RPS6KC1: variants seen among roughly 807,000 people sequenced by gnomAD.
RPS6KC1 encodes inactive ribosomal protein S6 kinase delta-1.
A neutral mutation model predicts 103.8 loss-of-function variants in RPS6KC1; 54 were observed. The observed-to-expected ratio is 0.52, with a 90% CI of 0.42 to 0.65. The LOEUF (loss-of-function observed/expected upper bound fraction) is 0.65. RPS6KC1 is among the 30% of genes least tolerant of loss of function. The pLI, the probability that RPS6KC1 is intolerant of heterozygous loss-of-function variation, is 0.00. For missense variants in RPS6KC1, 1,151 were observed against 1,253.8 expected (o/e 0.92, Z 1.24); for synonymous variants, 439 against 438.7 (o/e 1.00, Z -0.01).
At chr1:213,744,808 A>G in the RPS6KC1 span, among the ~76,000 whole-genome samples, 3 of 152,240 alleles carry the variant, frequency 2.0e-5, no homozygotes, top group African/African-American at 7.2e-5. Flanking sequence ...GCTGCTGGTC[A>G]GCGTGGAGGC....
the RPS6KC1 span, among the ~76,000 whole-genome samples, chr1:213,301,660 C>A: frequency 2.6e-5 from 4 of 152,062 alleles, no homozygotes; most frequent in Non-Finnish European, 5.9e-5. Context: ...GATTGCACCA[C>A]TGCACTCCAG....
intron 4 of RPS6KC1, among the ~76,000 whole-genome samples, chr1:213,113,094 G>C (rs1228230063): frequency 6.6e-6 from 1 of 152,058 alleles, no homozygotes; most frequent in Non-Finnish European, 1.5e-5. Flanking sequence ...GGGAAGGCTG[G>C]GTCAAATGGT....
At chr1:213,615,352 G>T in the RPS6KC1 span, among the ~76,000 whole-genome samples, 3 of 152,238 alleles carry the variant, frequency 2.0e-5, no homozygotes, top group Non-Finnish European at 4.4e-5. Flanking sequence ...TTTTGCATTG[G>T]CCAATGTCCT....
the RPS6KC1 span, among the ~76,000 whole-genome samples, chr1:213,563,222 C>T: frequency 1.3e-5 from 2 of 151,876 alleles, no homozygotes; most frequent in African/African-American, 4.8e-5. Context: ...GTAAAAAGCC[C>T]CTCTTTAATA....
At chr1:213,152,527 G>A (rs1332619186) in intron 6 of RPS6KC1, among the ~76,000 whole-genome samples, 1 of 151,116 alleles carries the variant, frequency 6.6e-6, no homozygotes, top group Non-Finnish European at 1.5e-5. Flanking sequence ...CTCAGACGGG[G>A]CGGCCGGGTA....
the RPS6KC1 span, among the ~76,000 whole-genome samples, chr1:213,772,184 C>T: frequency 6.6e-6 from 1 of 152,152 alleles, no homozygotes; most frequent in African/African-American, 2.4e-5. Flanking sequence ...GATAGTATCG[C>T]TTATCTTCTT....
the RPS6KC1 span, among the ~76,000 whole-genome samples, chr1:213,287,266 GTGTGTGTA>G: frequency 1.5e-5 from 1 of 67,682 alleles, no homozygotes; most frequent in East Asian, 4.8e-4. Context: ...GTGTGTGTGT[GTGTGTGTA>G]TTTTTTTAAG....
At chr1:213,221,144 A>G (rs1164292977) in intron 8 of RPS6KC1, among the ~76,000 whole-genome samples, 2 of 152,200 alleles carry the variant, frequency 1.3e-5, no homozygotes, top group African/African-American at 4.8e-5. Flanking sequence ...TTTATTCACC[A>G]TAATGCCTAT....
intron 12 of RPS6KC1, among the ~76,000 whole-genome samples, chr1:213,259,236 G>A (rs961180642): frequency 2.0e-5 from 3 of 152,164 alleles, no homozygotes; most frequent in African/African-American, 7.2e-5. Context: ...TTAAACATTT[G>A]TGTCAATTAC....
the RPS6KC1 span, among the ~76,000 whole-genome samples, chr1:213,405,567 A>G: frequency 6.6e-5 from 10 of 152,308 alleles, no homozygotes; most frequent in East Asian, 1.9e-3. Context: ...AACAGCAGCC[A>G]TTTTCAACAA....
chr1:213,561,588 C>T, the RPS6KC1 span, among the ~76,000 whole-genome samples: 1 of 152,200 alleles, frequency 6.6e-6, no homozygotes. Flanking sequence ...GGCTCCCTTA[C>T]CACTGTTGCC....
chr1:213,854,593 T>C, the RPS6KC1 span, among the ~76,000 whole-genome samples: 1 of 151,790 alleles, frequency 6.6e-6, no homozygotes, highest in Non-Finnish European at 1.5e-5. Context: ...TTTCTTTCTT[T>C]CTTTGAGTTC....
chr1:213,176,791 C>G, intron 8 of RPS6KC1: 1 of 186,920 alleles, frequency 5.3e-6, no homozygotes. Flanking sequence ...GTGTTAATAA[C>G]AATTGTGAGC....
At chr1:213,082,136 T>C (rs1260247049) in intron 3 of RPS6KC1, among the ~76,000 whole-genome samples, 1 of 151,840 alleles carries the variant, frequency 6.6e-6, no homozygotes, top group African/African-American at 2.4e-5. Context: ...AAGTGATTAA[T>C]TGGGCCCGGC....
intron 8 of RPS6KC1, among the ~76,000 whole-genome samples, chr1:213,177,129 A>G (rs537305980): frequency 6.6e-6 from 1 of 152,300 alleles, no homozygotes; most frequent in African/African-American, 2.4e-5. Flanking sequence ...AGGGGTAAAA[A>G]TACTGGCCTC....
At chr1:213,176,099 T>C (rs778409186) in intron 7 of RPS6KC1, among the ~76,000 whole-genome samples, 41 of 152,348 alleles carry the variant, frequency 2.7e-4, no homozygotes, top group Non-Finnish European at 2.4e-4. Context: ...ATGATAGCTG[T>C]ATGGTCTGAA....
chr1:213,845,318 A>T, the RPS6KC1 span, among the ~76,000 whole-genome samples: 8 of 152,224 alleles, frequency 5.3e-5, no homozygotes, highest in African/African-American at 1.7e-4. Context: ...GTGAGGGCAA[A>T]CCAAAGAACT....
the RPS6KC1 span, among the ~76,000 whole-genome samples, chr1:213,395,061 C>G: frequency 5.2e-4 from 79 of 152,322 alleles, no homozygotes; most frequent in Non-Finnish European, 1.8e-4. Flanking sequence ...CCGCAGCTTC[C>G]CACACCTGCT....
the RPS6KC1 span, among the ~76,000 whole-genome samples, chr1:213,566,087 GAGATGGAT>G: frequency 6.6e-6 from 1 of 152,160 alleles, no homozygotes; most frequent in Non-Finnish European, 1.5e-5. Context: ...GATGAATGCA[GAGATGGAT>G]AGATGGATAG....
Sources: gnomAD v4.1 joint callset for allele counts (sites outside exome capture counted in the v4.1 genomes callset) on GRCh38, gnomAD v4.1.1 for gene constraint, MANE v1.5 for transcripts, NCBI Gene and HGNC (gene_info 2026-07-23, HGNC 2026-07-21) for gene names.